COL1A1: variants seen among roughly 807,000 people sequenced by gnomAD.
COL1A1 encodes the protein collagen type I alpha 1 chain, also known as collagen alpha-1(I) chain.
Under a neutral mutation model 195.7 loss-of-function variants are expected in COL1A1, and 21 were observed. The ratio of observed to expected loss-of-function variants is 0.11; its 90% CI spans 0.08 to 0.15. The LOEUF (loss-of-function observed/expected upper bound fraction) is 0.15, where lower values mean the gene tolerates loss of function less well. COL1A1 is among the 10% of genes least tolerant of loss of function. The probability of loss-of-function intolerance (pLI) is 1.00; values close to 1 mark genes in which losing one functional copy is unlikely to be tolerated. For missense variants in COL1A1, 1,365 were observed against 2,051.0 expected, an observed-to-expected ratio of 0.67 and a Z score of 6.46; for synonymous variants, 749 against 747.3, an observed-to-expected ratio of 1.00 and a Z score of -0.04.
In COL1A1 at chr17:50,190,504, G is replaced by C. The variant is rs771641402; in HGVS notation, c.2397+39C>G. ...AGGGGTGCTGTGTGAAGGGAGGGAA[G>C]GGCCAAGTATGGGGTCTTAACAGGT... On this transcript the variant is annotated intron_variant, in intron 34 of 50. Coordinates refer to ENST00000225964, the MANE Select transcript of COL1A1 (RefSeq NM_000088.4). The surrounding 1 kb of genome is among the most constrained non-coding windows in gnomAD (Gnocchi z 4.7). The C allele has an allele frequency of 6.2e-7, 1 of 1,612,338 alleles. No homozygotes were observed. Among genetic ancestry groups the C allele is most frequent in the Non-Finnish European group, 8.5e-7 (1 of 1,178,666 alleles).
rs1325106978 is a variant in COL1A1, at chr17:50,195,388, G to T, written c.1200+46C>A. On this transcript the variant is annotated intron_variant, in intron 18 of 50. Coordinates refer to ENST00000225964, the MANE Select transcript of COL1A1 (RefSeq NM_000088.4). This position sits in a 1 kb window ranked among gnomAD's most constrained non-coding sequence, Gnocchi z 4.3. ...AGGAGCAGAGGGAAAGGGGCAGGCA[G>T]GCTGCAGGCGGCAGGAGTGGGACTG... 6.2e-7 allele frequency: 1 copy of T among 1,613,792 alleles called. No homozygotes were observed. The highest frequency in any genetic ancestry group is 2.2e-5 in the East Asian group (1 of 44,890).
At position 50,184,150 on chromosome 17, in the gene COL1A1, C is replaced by A; in HGVS notation, c.*1352G>T. The A allele has an allele frequency of 4.8e-6, 1 of 210,426 alleles. No homozygotes were observed. Among genetic ancestry groups the A allele is most frequent in the African/African-American group, 2.3e-5 (1 of 44,024 alleles). 13.0% of individuals were successfully genotyped at this position (210,426 alleles called of 1,614,324 possible). On this transcript the variant is annotated 3_prime_UTR_variant, in exon 51 of 51. Coordinates refer to ENST00000225964, the MANE Select transcript of COL1A1 (RefSeq NM_000088.4). ...TTCCAGCAATCAAAATAATTAAAAACATCTCAAATTATTATACACATACAA... is the reference window on the plus strand; with the variant it reads ...TTCCAGCAATCAAAATAATTAAAAAAATCTCAAATTATTATACACATACAA...
Position 50,194,732 on chromosome 17 carries a change from G to A in COL1A1, c.1450C>T (p.Pro484Ser), listed in dbSNP as rs879355791. The change falls in exon 21 of 51, where the codon CCT becomes TCT. Residue 484 changes from proline (P) to serine (S), a missense_variant. By Grantham distance (74) the Pro-to-Ser change is moderately conservative (BLOSUM62 -1). This residue lies in a region of COL1A1 where 671 missense variants were observed against 1,099.9 expected (regional missense o/e 0.61). Transcript: ENST00000225964. This position sits in a 1 kb window ranked among gnomAD's most constrained non-coding sequence, Gnocchi z 6.8. ...EPGPTGLPGP[P>S]GERGGPGSRG... is the part of the protein sequence containing the mutation. Reference sequence around the variant, plus strand: ...GCAGGGACACTTACACGCTCGCCAGGGGGTCCGGGCAGGCCAGTGGGTCCG... The same window carrying A: ...GCAGGGACACTTACACGCTCGCCAGAGGGTCCGGGCAGGCCAGTGGGTCCG... The A allele has an allele frequency of 2.5e-6, 4 of 1,569,432 alleles. No individual in the cohort carries two copies. Among genetic ancestry groups the A allele is most frequent in the Non-Finnish European group, 2.6e-6 (3 of 1,156,682 alleles).
At position 50,188,204 on chromosome 17, in the gene COL1A1, C is replaced by T. The variant is rs1369249113; in HGVS notation, c.3208-55G>A. The stretch of plus-strand genomic sequence containing the variant: ...TGGCCAGGGAAGGCTGAGGCTGGGG[C>T]TGCAGGATGAGGCCTCCCCTCTGCT... On this transcript the variant is annotated intron_variant, in intron 43 of 50. Coordinates refer to ENST00000225964, the MANE Select transcript of COL1A1 (RefSeq NM_000088.4). The surrounding 1 kb of genome is among the most constrained non-coding windows in gnomAD (Gnocchi z 5.6). 5 of 1,476,716 alleles carry T rather than the reference C, an allele frequency of 3.4e-6. No individual in the cohort carries two copies. The highest frequency in any genetic ancestry group is 1.4e-5 in the African/African-American group (1 of 71,148). 91.5% of individuals were successfully genotyped at this position (1,476,716 alleles called of 1,614,324 possible). A position where few individuals can be genotyped will look rare whatever the true frequency, so the allele number is the denominator to read the frequency against.
chr17:50,189,504 G>A lies in COL1A1; in HGVS notation c.2702C>T (p.Ala901Val), dbSNP rs1219390061. The A allele has an allele frequency of 4.3e-6, 7 of 1,613,748 alleles. No homozygotes were observed. Among genetic ancestry groups the A allele is most frequent in the Non-Finnish European group, 5.9e-6 (7 of 1,179,938 alleles). Residue 901 changes from alanine to valine, a missense_variant, in exon 39 of 51, where the codon GCT becomes GTT. By Grantham distance (64) the Ala-to-Val change is moderately conservative (BLOSUM62 0). Transcript: ENST00000225964. This position sits in a 1 kb window ranked among gnomAD's most constrained non-coding sequence, Gnocchi z 5.5. Reference sequence around the variant, plus strand: ...GGGACCTTTGCCGCCTTCTTTGCCAGCAGGACCAGGAGGGCCAGGGGGTCC... The same window carrying A: ...GGGACCTTTGCCGCCTTCTTTGCCAACAGGACCAGGAGGGCCAGGGGGTCC... ...NAGPPGPPGP[A>V]GKEGGKGPRG...
rs763409550 is a variant in COL1A1, at chr17:50,197,779, T to A, written c.649A>T (p.Met217Leu). 22 of 1,608,780 alleles carry A rather than the reference T, an allele frequency of 1.4e-5. No individual in the cohort carries two copies. Among genetic ancestry groups the A allele is most frequent in the Non-Finnish European group, 1.9e-5 (22 of 1,178,384 alleles). Residue 217 changes from methionine (M) to leucine (L), a missense_variant, in exon 9 of 51, where the codon ATG (methionine) becomes TTG (leucine). Around this residue, in one of 5 missense-constraint regions of COL1A1, gnomAD observed 226 missense variants for 372.9 expected, o/e 0.61. Transcript: ENST00000225964. ...GGACCTGGGGGACCTCGGGGACCCA[T>A]GGGACCCTAGAAAAGATAGAAGAGG... ...EPGEPGASGP[M>L]GPRGPPGPPG...
In COL1A1 at chr17:50,184,615, T is replaced by C. The variant is rs1220596919; in HGVS notation, c.*887A>G. The C allele has an allele frequency of 4.4e-6, 1 of 226,920 alleles. No individual in the cohort carries two copies. The highest frequency in any genetic ancestry group is 2.2e-5 in the African/African-American group (1 of 44,470). 14.1% of individuals were successfully genotyped at this position (226,920 alleles called of 1,614,324 possible). A position where few individuals can be genotyped will look rare whatever the true frequency, so the allele number is the denominator to read the frequency against. On this transcript the variant is annotated 3_prime_UTR_variant, in exon 51 of 51. Transcript: ENST00000225964. ...CCCCACCCCACCCATCACATAGATG[T>C]AGCACCTTTGGTATAAAATGGGGAG...
Position 50,195,282 on chromosome 17 carries a change from G to T in COL1A1, c.1249C>A (p.Pro417Thr), listed in dbSNP as rs72648327. The T allele has an allele frequency of 2.5e-6, 4 of 1,613,408 alleles. No homozygotes were observed. Among genetic ancestry groups the T allele is most frequent in the South Asian group, 1.1e-5 (1 of 91,066 alleles). ...GAPGFPGARGPSGPQGPGGPP... is the reference protein window; with the variant it reads ...GAPGFPGARGTSGPQGPGGPP... ...CCGCCGGGGCCCTGGGGTCCAGAGG[G>T]GCCTCGGGCACCAGGGAAGCCAGGA... Residue 417 changes from proline (P) to threonine (T), a missense_variant, in exon 19 of 51, where the codon CCC becomes ACC. By Grantham distance (38) the Pro-to-Thr change is conservative. Around this residue, in one of 5 missense-constraint regions of COL1A1, gnomAD observed 226 missense variants for 372.9 expected, o/e 0.61. Transcript: ENST00000225964. This position sits in a 1 kb window ranked among gnomAD's most constrained non-coding sequence, Gnocchi z 4.3.
At position 50,194,658 on chromosome 17, in the gene COL1A1, C is replaced by T. The variant is rs759946715; in HGVS notation, c.1462-32G>A. ...GAGGAGAGGAGGCCAGTGAACTCCG[C>T]GACACACAGGCACCAGCCAGGCAAT... On this transcript the variant is annotated intron_variant, in intron 21 of 50. Transcript: ENST00000225964. This position sits in a 1 kb window ranked among gnomAD's most constrained non-coding sequence, Gnocchi z 6.8. 15 of 1,557,276 alleles carry T rather than the reference C, an allele frequency of 9.6e-6. No homozygotes were observed. The highest frequency in any genetic ancestry group is 4.8e-5 in the East Asian group (2 of 41,310).
At chr17:50,197,623 G>T in intron 9 of COL1A1, 109 bp downstream of exon 9, 1 of 897,604 alleles carries the variant, frequency 1.1e-6, no homozygotes, top group Non-Finnish European at 1.8e-6. Flanking sequence ...GAGAGGACTT[G>T]CCCTCCTTCC....
chr17:50,195,516 G>C lies in COL1A1; in HGVS notation c.1156-38C>G. On this transcript the variant is annotated intron_variant, in intron 17 of 50. Coordinates refer to ENST00000225964, the MANE Select transcript of COL1A1 (RefSeq NM_000088.4). This position sits in a 1 kb window ranked among gnomAD's most constrained non-coding sequence, Gnocchi z 4.3. ...GAAAGGAGTGTCAGCAACAGGCAAGGACTCTGAGGTTAGAAAGTGGCAAAG... is the reference window on the plus strand; with the variant it reads ...GAAAGGAGTGTCAGCAACAGGCAAGCACTCTGAGGTTAGAAAGTGGCAAAG... 1 of 1,614,014 alleles carries C rather than the reference G, an allele frequency of 6.2e-7. No homozygotes were observed. The highest frequency in any genetic ancestry group is 8.5e-7 in the Non-Finnish European group (1 of 1,179,948).
At position 50,190,675 on chromosome 17, in the gene COL1A1, C is replaced by G; in HGVS notation, c.2344-79G>C. 5.2e-6 allele frequency: 8 copies of G among 1,544,684 alleles called. No homozygotes were observed. The highest frequency in any genetic ancestry group is 7.1e-6 in the Non-Finnish European group (8 of 1,123,326). Reference sequence around the variant, plus strand: ...GTAGATGACCCCAGGAGAGCCTCCCCTCCTTCTGGTCCCTCCAGGTTCCCA... The same window carrying G: ...GTAGATGACCCCAGGAGAGCCTCCCGTCCTTCTGGTCCCTCCAGGTTCCCA... On this transcript the variant is annotated intron_variant, in intron 33 of 50. Coordinates refer to ENST00000225964, the MANE Select transcript of COL1A1 (RefSeq NM_000088.4). The surrounding 1 kb of genome is among the most constrained non-coding windows in gnomAD (Gnocchi z 4.7).
rs1000683455 is a variant in COL1A1, at chr17:50,195,127, T to C, written c.1300-27A>G. 3 of 1,613,094 alleles carry C rather than the reference T, an allele frequency of 1.9e-6. No individual in the cohort carries two copies. Among genetic ancestry groups the C allele is most frequent in the African/African-American group, 2.7e-5 (2 of 74,832 alleles). On this transcript the variant is annotated intron_variant, in intron 19 of 50. Transcript: ENST00000225964. This position sits in a 1 kb window ranked among gnomAD's most constrained non-coding sequence, Gnocchi z 4.3. ...TGCAAGGGGGGAGAAGAGGATGAGC[T>C]GAGAGTCGGGGGCGCTCAGTTGGCC...
chr17:50,196,276 A>T, intron 14 of COL1A1, 38 bp downstream of exon 14: 4 of 1,609,412 alleles, frequency 2.5e-6, no homozygotes, highest in African/African-American at 1.3e-5. Context: ...AGCCCCTTCC[A>T]GAGCTCAGGG....
rs886053140 is a variant in COL1A1, at chr17:50,184,178, T to A, written c.*1324A>T. ...CTCAAATTATTATACACATACAAAA[T>A]AGGTACAGAGTCTTTTGCTTCCTCC... is the stretch of plus-strand genomic sequence containing the variant. On this transcript the variant is annotated 3_prime_UTR_variant, in exon 51 of 51. Transcript: ENST00000225964. 1 of 223,024 alleles carries A rather than the reference T, an allele frequency of 4.5e-6. No homozygotes were observed. Among genetic ancestry groups the A allele is most frequent in the East Asian group, 6.5e-5 (1 of 15,500 alleles). 13.8% of individuals were successfully genotyped at this position (223,024 alleles called of 1,614,324 possible). A position where few individuals can be genotyped will look rare whatever the true frequency, so the allele number is the denominator to read the frequency against.
intron 27 of COL1A1, 48 bp from the exon 28 acceptor site, chr17:50,192,741 G>C (rs1420277621): frequency 1.1e-5 from 17 of 1,613,864 alleles, no homozygotes; most frequent in Non-Finnish European, 1.4e-5. Flanking sequence ...GGAGACGAGG[G>C]GCTGAGGGTG....
chr17:50,186,645 T>G lies in COL1A1; in HGVS notation c.3809A>C (p.Lys1270Thr), dbSNP rs572950705. 18 of 1,613,564 alleles carry G rather than the reference T, an allele frequency of 1.1e-5. No individual in the cohort carries two copies. Among genetic ancestry groups the G allele is most frequent in the African/African-American group, 2.7e-5 (2 of 75,010 alleles). ...RDLKMCHSDWKSGEYWIDPNQ... is the reference protein window; with the variant it reads ...RDLKMCHSDWTSGEYWIDPNQ... Reference sequence around the variant, plus strand: ...AGGCTAGGGCAGGCCCTCACCACTCTTCCAGTCAGAGTGGCACATCTTGAG... The same window carrying G: ...AGGCTAGGGCAGGCCCTCACCACTCGTCCAGTCAGAGTGGCACATCTTGAG... Residue 1270 changes from lysine (K) to threonine (T), a missense_variant, in exon 48 of 51, where the codon AAG becomes ACG. Around this residue, in one of 5 missense-constraint regions of COL1A1, gnomAD observed 273 missense variants for 338.6 expected, o/e 0.81. Transcript: ENST00000225964. The surrounding 1 kb of genome is among the most constrained non-coding windows in gnomAD (Gnocchi z 5.3).
At position 50,186,684 on chromosome 17, in the gene COL1A1, C is replaced by T. The variant is rs775462973; in HGVS notation, c.3770G>A (p.Arg1257His). ...GCACATCTTGAGGTCACGGCAGGTG[C>T]GGGCGGGGTTCTTGCGGCTGCCCTC... ...SPEGSRKNPARTCRDLKMCHS... is the reference protein window; with the variant it reads ...SPEGSRKNPAHTCRDLKMCHS... Residue 1257 changes from arginine to histidine, a missense_variant, in exon 48 of 51, where the codon CGC becomes CAC. Arg to His is a conservative substitution (Grantham distance 29). Transcript: ENST00000225964. The surrounding 1 kb of genome is among the most constrained non-coding windows in gnomAD (Gnocchi z 5.3). 6.2e-6 allele frequency: 10 copies of T among 1,613,438 alleles called. No individual in the cohort carries two copies. The highest frequency in any genetic ancestry group is 5.5e-5 in the South Asian group (5 of 91,084).
In COL1A1 at chr17:50,196,181, C is replaced by T. The variant is rs72645355; in HGVS notation, c.976G>A (p.Gly326Ser). 1 of 1,614,084 alleles carries T rather than the reference C, an allele frequency of 6.2e-7. No homozygotes were observed. Among genetic ancestry groups the T allele is most frequent in the Non-Finnish European group, 8.5e-7 (1 of 1,179,982 alleles). Residue 326 changes from glycine to serine, a missense_variant, in exon 15 of 51, where the codon GGT becomes AGT. This residue lies in a region of COL1A1 where 226 missense variants were observed against 372.9 expected (regional missense o/e 0.61). Coordinates refer to ENST00000225964, the MANE Select transcript of COL1A1 (RefSeq NM_000088.4). ...GGGGGCCCGGCAGCACCAGTAGCACCATCATTTCCACGAGCACCCTGCAGG... is the reference window on the plus strand; with the variant it reads ...GGGGGCCCGGCAGCACCAGTAGCACTATCATTTCCACGAGCACCCTGCAGG... The part of the protein sequence containing the change: ...PGPAGARGND[G>S]ATGAAGPPGP...
Sources: gnomAD v4.1 joint callset for allele counts on GRCh38, gnomAD v4.1.1 for gene constraint, gnomAD v4.1.1 regional missense constraint, Gnocchi (gnomAD v3.1) non-coding constraint, MANE v1.5 for transcripts, NCBI Gene and HGNC (gene_info 2026-07-23, HGNC 2026-07-21) for gene names.